Variants in MMS22L observed in about 807,000 individuals in gnomAD.
MMS22L encodes the protein MMS22 like, DNA repair protein, also known as protein MMS22-like.
In MMS22L, 74 loss-of-function variants were observed where a neutral mutation model predicts 159.1. The observed-to-expected ratio is 0.47, with a 90% CI of 0.39 to 0.56. The LOEUF is 0.56. Ranked by LOEUF, MMS22L falls within the 20% of genes least tolerant of loss-of-function variation. The pLI, the probability that MMS22L is intolerant of heterozygous loss-of-function variation, is 0.00. For synonymous variants in MMS22L, 517 were observed against 506.9 expected, an observed-to-expected ratio of 1.02 and a Z score of -0.27; for missense variants, 1,351 against 1,422.1, an observed-to-expected ratio of 0.95 and a Z score of 0.80.
Position 97,181,899 on chromosome 6 carries a change from C to T in MMS22L, c.2384+5G>A, listed in dbSNP as rs767943798. 2.2e-5 allele frequency: 35 copies of T among 1,609,824 alleles called. No individual in the cohort carries two copies. Among genetic ancestry groups the T allele is most frequent in the African/African-American group, 2.7e-5 (2 of 74,730 alleles). On this transcript the variant is annotated splice_donor_5th_base_variant and intron_variant, in intron 16 of 24. Coordinates refer to ENST00000683635, the MANE Select transcript of MMS22L (RefSeq NM_001350599.2). ...AATGTGTATGCCTGAAATAAAAGCA[C>T]GTACCTATTTTGTAGGACATGACTT...
chr6:97,220,466 T>A (rs543486144), intron 14 of MMS22L, among the ~76,000 whole-genome samples: 6 of 152,254 alleles, frequency 3.9e-5, no homozygotes, highest in Admixed American at 2.6e-4. Flanking sequence ...GTGAATTATA[T>A]CTGAATAAAG....
At chr6:97,265,194 C>A (rs894718429) in intron 8 of MMS22L, 2 of 152,160 alleles carry the variant, frequency 1.3e-5, no homozygotes, top group Admixed American at 6.5e-5. Context: ...AGCACACAAA[C>A]AGACACAGAA....
chr6:97,281,998 T>G (rs1176312304), intron 2 of MMS22L, among the ~76,000 whole-genome samples: 3 of 152,156 alleles, frequency 2.0e-5, no homozygotes, highest in African/African-American at 7.2e-5. Flanking sequence ...ATCACACTCT[T>G]TAGAAGGAAA....
At position 97,178,427 on chromosome 6, in the gene MMS22L, A is replaced by G. The variant is rs1184832314; in HGVS notation, c.2679+16T>C. ...TGTAATTAATCTGGACAATTATACTAATAAATGACAAATACCTCAAAGAAT... is the reference window on the plus strand; with the variant it reads ...TGTAATTAATCTGGACAATTATACTGATAAATGACAAATACCTCAAAGAAT... On this transcript the variant is annotated intron_variant, in intron 18 of 24. Transcript: ENST00000683635. 1 of 1,507,936 alleles carries G rather than the reference A, an allele frequency of 6.6e-7. No homozygotes were observed. The highest frequency in any genetic ancestry group is 2.4e-5 in the East Asian group (1 of 42,372). The allele number at this position is 1,507,936 out of a possible 1,614,324, so 93.4% of individuals were successfully genotyped here.
At chr6:97,226,347 C>G (rs1810244792) in intron 14 of MMS22L, among the ~76,000 whole-genome samples, 1 of 152,120 alleles carries the variant, frequency 6.6e-6, no homozygotes, top group South Asian at 2.1e-4. Context: ...GTAATCCCAG[C>G]ATTTTGGGAG....
chr6:97,269,787 T>C, intron 7 of MMS22L, 115 bp downstream of exon 7: 2 of 692,564 alleles, frequency 2.9e-6, no homozygotes, highest in Non-Finnish European at 4.6e-6. Context: ...CTTCATACTT[T>C]GTTTACTATT....
intron 6 of MMS22L, chr6:97,271,746 A>AC (rs1321919821): frequency 6.6e-6 from 1 of 152,180 alleles, no homozygotes; most frequent in Non-Finnish European, 1.5e-5. Context: ...ATCATGTCTC[A>AC]CCACAGCCTC....
At chr6:97,245,118 A>T (rs984060848) in intron 11 of MMS22L, among the ~76,000 whole-genome samples, 5 of 151,862 alleles carry the variant, frequency 3.3e-5, no homozygotes, top group Non-Finnish European at 7.4e-5. Context: ...CTATGTAAAT[A>T]TATATAATAT....
At chr6:97,168,463 G>A (rs529333794) in intron 19 of MMS22L, among the ~76,000 whole-genome samples, 10 of 152,088 alleles carry the variant, frequency 6.6e-5, no homozygotes, top group East Asian at 1.9e-4. Context: ...TACATTTTCC[G>A]AGCAACTGGC....
At chr6:97,278,774 ACCAT>A in intron 4 of MMS22L, 71 bp downstream of exon 4, 1 of 1,163,856 alleles carries the variant, frequency 8.6e-7, no homozygotes. Flanking sequence ...TGCCAATTAT[ACCAT>A]CATGGACCCA....
intron 14 of MMS22L, among the ~76,000 whole-genome samples, chr6:97,213,041 TTG>T (rs139266677): frequency 2.6e-5 from 4 of 151,750 alleles, no homozygotes; most frequent in South Asian, 2.1e-4. Context: ...CATGAGCACA[TTG>T]TGTGTGTGTG....
chr6:97,260,785 A>T (rs1206682535), intron 9 of MMS22L: 1 of 152,196 alleles, frequency 6.6e-6, no homozygotes, highest in African/African-American at 2.4e-5. Flanking sequence ...TTCTTAATTC[A>T]GGGTTACCTT....
At chr6:97,207,691 A>G (rs1807930021) in intron 14 of MMS22L, among the ~76,000 whole-genome samples, 1 of 152,160 alleles carries the variant, frequency 6.6e-6, no homozygotes. Context: ...CAGAAAAAAT[A>G]AGACCTTCTC....
intron 9 of MMS22L, 148 bp downstream of exon 9, chr6:97,263,187 G>T: frequency 1.9e-6 from 1 of 520,872 alleles, no homozygotes; most frequent in Non-Finnish European, 3.3e-6. Context: ...AAATAAAGTA[G>T]ATATTCAGTA....
intron 9 of MMS22L, among the ~76,000 whole-genome samples, chr6:97,262,413 G>C (rs952053196): frequency 6.6e-6 from 1 of 152,030 alleles, no homozygotes; most frequent in African/African-American, 2.4e-5. Flanking sequence ...GGGAGGCCAA[G>C]GCAGGCAGAT....
chr6:97,231,032 C>CA (rs1236837662), intron 13 of MMS22L: 1 of 167,306 alleles, frequency 6.0e-6, no homozygotes, highest in Non-Finnish European at 1.3e-5. Context: ...GCAAAACTCT[C>CA]AAAAGAGACA....
chr6:97,234,643 T>C (rs1227717655), intron 11 of MMS22L, among the ~76,000 whole-genome samples: 2 of 152,154 alleles, frequency 1.3e-5, no homozygotes, highest in African/African-American at 4.8e-5. Context: ...AGATAGCACA[T>C]GTACTGGTAG....
At chr6:97,238,347 G>T (rs1479312621) in intron 11 of MMS22L, among the ~76,000 whole-genome samples, 1 of 152,118 alleles carries the variant, frequency 6.6e-6, no homozygotes, top group East Asian at 1.9e-4. Flanking sequence ...TCATAGTATT[G>T]TTCCTTAAGA....
At chr6:97,209,686 AT>A (rs1420639692) in intron 14 of MMS22L, among the ~76,000 whole-genome samples, 1 of 152,020 alleles carries the variant, frequency 6.6e-6, no homozygotes, top group Non-Finnish European at 1.5e-5. Context: ...GATTTCTTGA[AT>A]AACACAGCTA....
Sources: allele counts gnomAD v4.1 joint callset (sites outside exome capture counted in the v4.1 genomes callset), GRCh38; gene constraint gnomAD v4.1.1; transcripts MANE v1.5; gene names NCBI Gene and HGNC (gene_info 2026-07-23, HGNC 2026-07-21).